Variants in CERS6 observed in about 807,000 individuals in gnomAD.
The protein encoded by CERS6 is LAG1 homolog, ceramide synthase 6.
CERS6 carries 26 observed loss-of-function variants against 56.8 expected under a neutral mutation model. The observed-to-expected ratio is 0.46, with a 90% CI of 0.34 to 0.63. CERS6 has a LOEUF of 0.63. Among genes scored for constraint, CERS6 ranks in the 30% least tolerant of loss-of-function variants. CERS6 has a pLI of 0.01. For synonymous variants in CERS6, 164 were observed against 173.3 expected, an observed-to-expected ratio of 0.95 and a Z score of 0.42; for missense variants, 415 against 467.5, an observed-to-expected ratio of 0.89 and a Z score of 1.04.
At chr2:168,693,133 G>A (rs1317805112) in intron 5 of CERS6, among the ~76,000 whole-genome samples, 1 of 152,104 alleles carries the variant, frequency 6.6e-6, no homozygotes, top group African/African-American at 2.4e-5. Context: ...GGTATAAGAA[G>A]CACAAGTTGG....
At chr2:168,646,353 G>T (rs61497902) in intron 4 of CERS6, among the ~76,000 whole-genome samples, 54,893 of 151,884 alleles carry the variant, frequency 0.36, 13,232 homozygotes, top group African/African-American at 0.68. Flanking sequence ...TTTGAAAAGT[G>T]CCTGTTGATT....
chr2:168,544,320 T>A (rs1695423817), intron 1 of CERS6, among the ~76,000 whole-genome samples: 1 of 152,204 alleles, frequency 6.6e-6, no homozygotes, highest in Non-Finnish European at 1.5e-5. Context: ...AAATATACTG[T>A]CTTCTGCTTC....
At chr2:168,569,358 C>G (rs1471299409) in intron 3 of CERS6, among the ~76,000 whole-genome samples, 1 of 152,190 alleles carries the variant, frequency 6.6e-6, no homozygotes, top group Non-Finnish European at 1.5e-5. Context: ...TCTGGGGGCA[C>G]ACAATTCAGT....
rs1215791075 is a variant in CERS6 at position 168,515,249 on chromosome 2, G to A, written c.171-32347G>A. ...TTAATCATTAAGAATGAACAATTAT[G>A]TATTTTTTGCCAGTTACATGTTAAC... On this transcript the variant is annotated intron_variant, in intron 1 of 9. Transcript: ENST00000305747. Among the ~76,000 whole-genome samples, 3 of 152,138 alleles carry A rather than the reference G, an allele frequency of 2.0e-5. No individual in the cohort carries two copies. In the East Asian group the frequency reaches 5.8e-4, roughly 29 times the overall value.
chr2:168,469,822 C>A (rs1222112190), intron 1 of CERS6, among the ~76,000 whole-genome samples: 3 of 152,092 alleles, frequency 2.0e-5, no homozygotes, highest in Admixed American at 2.0e-4. Flanking sequence ...GCACAGGTGA[C>A]CAGAAGACCA....
At chr2:168,475,534 G>A (rs1694052933) in intron 1 of CERS6, among the ~76,000 whole-genome samples, 1 of 151,994 alleles carries the variant, frequency 6.6e-6, no homozygotes, top group Non-Finnish European at 1.5e-5. Flanking sequence ...GAAATGACAG[G>A]GTAGAATCAA....
intron 3 of CERS6, 23 bp from the exon 4 acceptor site, chr2:168,630,962 G>A: frequency 1.6e-6 from 2 of 1,274,684 alleles, no homozygotes; most frequent in Non-Finnish European, 2.2e-6. Context: ...GAATGTCACA[G>A]ATTTTTTTTT....
chr2:168,659,280 C>T (rs1293081252), intron 4 of CERS6, among the ~76,000 whole-genome samples: 1 of 152,098 alleles, frequency 6.6e-6, no homozygotes, highest in African/African-American at 2.4e-5. Context: ...GTTATTAATG[C>T]ATGTGGGAAA....
At chr2:168,757,327 C>T (rs541697692) in intron 8 of CERS6, among the ~76,000 whole-genome samples, 1 of 144,644 alleles carries the variant, frequency 6.9e-6, no homozygotes, top group Admixed American at 7.0e-5. Context: ...GGCAGACATA[C>T]AGCAAATAGG....
intron 1 of CERS6, among the ~76,000 whole-genome samples, chr2:168,508,521 A>G (rs2105349139): frequency 6.6e-6 from 1 of 152,244 alleles, no homozygotes; most frequent in South Asian, 2.1e-4. Flanking sequence ...TTCTTAAAAT[A>G]TTTTAGTGTC....
chr2:168,627,961 A>G (rs1000111506), intron 3 of CERS6, among the ~76,000 whole-genome samples: 14 of 151,832 alleles, frequency 9.2e-5, no homozygotes, highest in African/African-American at 2.4e-4. Flanking sequence ...ATAATGCTGC[A>G]CTTCATTTTT....
At chr2:168,724,708 G>A (rs1683292207) in intron 8 of CERS6, among the ~76,000 whole-genome samples, 1 of 151,796 alleles carries the variant, frequency 6.6e-6, no homozygotes, top group East Asian at 1.9e-4. Context: ...CTAGACACAG[G>A]GTGCAGATTG....
chr2:168,663,582 A>G (rs1219815591), intron 4 of CERS6, among the ~76,000 whole-genome samples: 6 of 152,074 alleles, frequency 3.9e-5, no homozygotes, highest in Non-Finnish European at 8.8e-5. Context: ...CTATATAGAG[A>G]TTTTGAAAAC....
chr2:168,537,174 T>C (rs1481654183), intron 1 of CERS6, among the ~76,000 whole-genome samples: 1 of 152,186 alleles, frequency 6.6e-6, no homozygotes. Flanking sequence ...AAGCAAAGTA[T>C]AAAGAAAGAG....
chr2:168,620,014 TACACACACAC>T (rs1160024194), intron 3 of CERS6, among the ~76,000 whole-genome samples: 72 of 61,260 alleles, frequency 1.2e-3, no homozygotes, highest in African/African-American at 2.9e-3. Context: ...CCACAATCCA[TACACACACAC>T]ACACACACAC....
chr2:168,728,385 CT>C (rs2105407920), intron 8 of CERS6, among the ~76,000 whole-genome samples: 1 of 131,854 alleles, frequency 7.6e-6, no homozygotes, highest in African/African-American at 2.9e-5. Flanking sequence ...AATGCAACTA[CT>C]CTTTTTTTTT....
rs74577538 is a variant in CERS6, at chr2:168,685,714, C to T, written c.466-5320C>T. Among the ~76,000 whole-genome samples the T allele has an allele frequency of 3.7e-3, 557 of 152,140 alleles. 6 individuals are homozygous for T. The highest frequency in any genetic ancestry group is 0.013 in the African/African-American group (543 of 41,530). Reference sequence around the variant, plus strand: ...TCGATGAAGGCTTGACTTGCACCAGCGCTTCTGGCTCCTATCCTGGTGCCA... The same window carrying T: ...TCGATGAAGGCTTGACTTGCACCAGTGCTTCTGGCTCCTATCCTGGTGCCA... On this transcript the variant is annotated intron_variant, in intron 4 of 9. Coordinates refer to ENST00000305747, the MANE Select transcript of CERS6 (RefSeq NM_203463.3).
chr2:168,761,802 A>G (rs78557773), intron 8 of CERS6, among the ~76,000 whole-genome samples: 1,801 of 152,246 alleles, frequency 0.012, 25 homozygotes, highest in African/African-American at 0.037. Context: ...TAAAGAGATA[A>G]CTGCTTCTTC....
Position 168,714,996 on chromosome 2 carries a change from T to C in CERS6, c.610-5T>C. The stretch of plus-strand genomic sequence containing the variant: ...TCTAATATGGATGTTTCTTCTTTCC[T>C]CAAGGACTTTGGCATTATGTTCCTG... On this transcript the variant is annotated splice_polypyrimidine_tract_variant and splice_region_variant and intron_variant, in intron 6 of 9. Transcript: ENST00000305747. The C allele has an allele frequency of 6.2e-7, 1 of 1,600,596 alleles. No homozygotes were observed. The highest frequency in any genetic ancestry group is 2.2e-5 in the East Asian group (1 of 44,604).
Sources: gnomAD v4.1 joint callset for allele counts (sites outside exome capture counted in the v4.1 genomes callset) on GRCh38, gnomAD v4.1.1 for gene constraint, MANE v1.5 for transcripts, NCBI Gene and HGNC (gene_info 2026-07-23, HGNC 2026-07-21) for gene names.